The following AKR1C3 variants were observed in gnomAD, a reference collection of about 807,000 sequenced individuals.
The protein encoded by AKR1C3 is aldo-keto reductase family 1 member C3, also known as 3-alpha hydroxysteroid dehydrogenase, type II.
A neutral mutation model predicts 43.6 loss-of-function variants in AKR1C3; 48 were observed. The observed-to-expected ratio is 1.10, with a 90% confidence interval of 0.87 to 1.40. AKR1C3 has a LOEUF of 1.40. Ranked by LOEUF, AKR1C3 falls within the 40% of genes most tolerant of loss-of-function variation. The probability of loss-of-function intolerance (pLI) is 0.00; values close to 1 mark genes in which losing one functional copy is unlikely to be tolerated. For synonymous variants in AKR1C3, 162 were observed against 139.6 expected, an observed-to-expected ratio of 1.16 and a Z score of -1.13; for missense variants, 482 against 391.2, an observed-to-expected ratio of 1.23 and a Z score of -1.96.
Position 5,098,751 on chromosome 10 carries a change from G to C in AKR1C3, c.370-51G>C, listed in dbSNP as rs1839275052. ...TAAAGGTACCTGGGGTTACAGCTAT[G>C]AGTGGAGAAATTAATTTGTGACATC... On this transcript the variant is annotated intron_variant, in intron 3 of 8. Coordinates refer to ENST00000380554, the MANE Select transcript of AKR1C3 (RefSeq NM_003739.6). The C allele has an allele frequency of 2.0e-6, 3 of 1,479,328 alleles. No homozygotes were observed. The African/African-American group carries it at 4.1e-5, about 20-fold the overall frequency. The allele number at this position is 1,479,328 out of a possible 1,614,324, so 91.6% of individuals were successfully genotyped here.
rs1839366430 is a variant in AKR1C3, at chr10:5,102,085, TTTTGGTCAAC to T, written c.571-14_571-5del. The stretch of plus-strand genomic sequence containing the variant: ...TTTCATATAAATTGATGCTTCTCTC[TTTTGGTCAAC>T]TGCAGGTAGAATGTCATCCGTATTT... On this transcript the variant is annotated splice_polypyrimidine_tract_variant and splice_region_variant and intron_variant, in intron 5 of 8. Coordinates refer to ENST00000380554, the MANE Select transcript of AKR1C3 (RefSeq NM_003739.6). 1 of 1,512,692 alleles carries T rather than the reference TTTTGGTCAAC, an allele frequency of 6.6e-7. No individual in the cohort carries two copies. Among genetic ancestry groups the T allele is most frequent in the Non-Finnish European group, 9.2e-7 (1 of 1,091,532 alleles). 93.7% of individuals were successfully genotyped at this position (1,512,692 alleles called of 1,614,324 possible).
intron 1 of AKR1C3, among the ~76,000 whole-genome samples, chr10:5,056,227 G>C (rs1389648221): frequency 6.6e-6 from 1 of 152,112 alleles, no homozygotes; most frequent in South Asian, 2.1e-4. Context: ...AACCCTTGGG[G>C]CATGTAAGTT....
At position 5,061,250 on chromosome 10, in the gene AKR1C3, G is replaced by A. The variant is rs555284744; in HGVS notation, c.84+12355G>A. 4.6e-5 allele frequency among the ~76,000 whole-genome samples: 7 copies of A among 152,328 alleles called. No homozygotes were observed. The East Asian group carries it at 1.4e-3, about 29-fold the overall frequency. ...CATTTTGCAGACCTTTTTGAGGTGGGCATGGATGATTTCCAGCTTCTGAAG... is the reference window on the plus strand; with the variant it reads ...CATTTTGCAGACCTTTTTGAGGTGGACATGGATGATTTCCAGCTTCTGAAG... On this transcript the variant is annotated intron_variant, in intron 1 of 8. Transcript: ENST00000439082.
At chr10:5,096,321 G>T in intron 1 of AKR1C3, 89 bp from the exon 2 acceptor site, 1 of 1,476,790 alleles carries the variant, frequency 6.8e-7, no homozygotes, top group Non-Finnish European at 9.1e-7. Context: ...AGGAGGAAAA[G>T]CTGATTCTTG....
At chr10:5,053,065 G>A (rs1838185153) in intron 1 of AKR1C3, among the ~76,000 whole-genome samples, 1 of 149,438 alleles carries the variant, frequency 6.7e-6, no homozygotes, top group Non-Finnish European at 1.5e-5. Context: ...ACCAGACTCA[G>A]GAGCCCAGCT....
chr10:5,095,737 A>C (rs1182216637), intron 1 of AKR1C3, among the ~76,000 whole-genome samples: 1 of 12,544 alleles, frequency 8.0e-5, no homozygotes, highest in Non-Finnish European at 1.2e-4. Context: ...ACTGTACCTT[A>C]GTAAATTCTT....
intron 1 of AKR1C3, among the ~76,000 whole-genome samples, chr10:5,087,202 GT>G: frequency 6.6e-6 from 1 of 152,186 alleles, no homozygotes; most frequent in East Asian, 1.9e-4. Context: ...GCAGTGGCTG[GT>G]ACCGTTTGTT....
chr10:5,073,634 A>G (rs1838654569), intron 1 of AKR1C3, among the ~76,000 whole-genome samples: 1 of 152,210 alleles, frequency 6.6e-6, no homozygotes, highest in African/African-American at 2.4e-5. Flanking sequence ...CACCTTCTCA[A>G]GAGGGCCAAG....
At chr10:5,049,067 G>T (rs10736996) in intron 1 of AKR1C3, among the ~76,000 whole-genome samples, 81,694 of 151,872 alleles carry the variant, frequency 0.54, 22,329 homozygotes, top group East Asian at 0.8. Flanking sequence ...AACCTTTGTT[G>T]TGCATAGAAG....
At chr10:5,054,398 G>A (rs191150299) in intron 1 of AKR1C3, among the ~76,000 whole-genome samples, 43 of 152,260 alleles carry the variant, frequency 2.8e-4, no homozygotes, top group Non-Finnish European at 4.6e-4. Flanking sequence ...CTGCACTGAC[G>A]GACTTGAGCT....
intron 1 of AKR1C3, among the ~76,000 whole-genome samples, chr10:5,069,954 C>T (rs1336519653): frequency 6.6e-6 from 1 of 152,132 alleles, no homozygotes; most frequent in Admixed American, 6.5e-5. Flanking sequence ...TCAGGCAATA[C>T]CTGGGAGTGA....
chr10:5,094,595 T>G (rs559001289), intron 1 of AKR1C3, 67 bp downstream of exon 1: 152 of 1,553,068 alleles, frequency 9.8e-5, no homozygotes, highest in Middle Eastern at 8.5e-4. Flanking sequence ...AAACCCGTAT[T>G]GGGTTGTAAG....
intron 1 of AKR1C3, 26 bp downstream of exon 1, chr10:5,094,554 G>A (rs782806453): frequency 1.4e-5 from 23 of 1,610,276 alleles, no homozygotes; most frequent in East Asian, 2.2e-5. Context: ...TTTAGTTTTC[G>A]GATTTCAAAA....
At chr10:5,049,998 A>G (rs1838120021) in intron 1 of AKR1C3, among the ~76,000 whole-genome samples, 3 of 151,710 alleles carry the variant, frequency 2.0e-5, no homozygotes, top group African/African-American at 7.3e-5. Flanking sequence ...TCTAGTGGAC[A>G]CACTGTGGAT....
Position 5,102,230 on chromosome 10 carries a change from C to T in AKR1C3, c.680+20C>T. On this transcript the variant is annotated intron_variant, in intron 6 of 8. Coordinates refer to ENST00000380554, the MANE Select transcript of AKR1C3 (RefSeq NM_003739.6). ...ACGATGGTAATAAAAACAATGGGAC[C>T]TTTACATAAACCTTCATTTTGCAGA... 6.2e-7 allele frequency: 1 copy of T among 1,602,070 alleles called. No individual in the cohort carries two copies.
At position 5,105,195 on chromosome 10, in the gene AKR1C3, A is replaced by T. The variant is rs771936910; in HGVS notation, c.847-400A>T. 2.0e-3 allele frequency: 315 copies of T among 157,934 alleles called. 2 individuals are homozygous for T. The highest frequency in any genetic ancestry group is 3.4e-3 in the Non-Finnish European group (247 of 71,644). The allele number at this position is 157,934 out of a possible 1,614,324, so 9.8% of individuals were successfully genotyped here. A position where few individuals can be genotyped will look rare whatever the true frequency, so the allele number is the denominator to read the frequency against. On this transcript the variant is annotated intron_variant, in intron 7 of 8. Transcript: ENST00000380554. ...TTATACCTGTTTATTAAAGAGATAT[A>T]GAAATTCAACAATATCTATCAAACT...
At chr10:5,048,895 G>A (rs782616379) in exon 1 of AKR1C3, 3 of 1,612,736 alleles carry the variant, frequency 1.9e-6, no homozygotes, top group Non-Finnish European at 2.5e-6. Context: ...CACCTCCAGA[G>A]GTAATAATAA....
upstream of AKR1C3, among the ~76,000 whole-genome samples, chr10:5,091,512 C>T (rs1467648425): frequency 1.3e-5 from 2 of 152,022 alleles, no homozygotes; most frequent in African/African-American, 4.8e-5. Context: ...ATCCTCATAT[C>T]CTTAATTAAC....
upstream of AKR1C3, among the ~76,000 whole-genome samples, chr10:5,092,933 T>G (rs1431158387): frequency 6.6e-6 from 1 of 152,122 alleles, no homozygotes; most frequent in Non-Finnish European, 1.5e-5. Flanking sequence ...ATTTGTTCTG[T>G]GTCATGACGA....
Sources: gnomAD v4.1 joint callset for allele counts (sites outside exome capture counted in the v4.1 genomes callset) on GRCh38, gnomAD v4.1.1 for gene constraint, MANE v1.5 for transcripts, NCBI Gene and HGNC (gene_info 2026-07-23, HGNC 2026-07-21) for gene names.